The following TRAK1 variants were observed in gnomAD, a reference collection of about 807,000 sequenced individuals.
The protein encoded by TRAK1 is trafficking kinesin protein 1, also known as trafficking kinesin-binding protein 1.
In TRAK1, 33 loss-of-function variants were observed where a neutral mutation model predicts 92.1. That is an observed-to-expected ratio of 0.36 (90% CI 0.27 to 0.48). The LOEUF is 0.48. Ranked by LOEUF, TRAK1 falls within the 20% of genes least tolerant of loss-of-function variation. The pLI, the probability that TRAK1 is intolerant of heterozygous loss-of-function variation, is 0.99. For missense variants in TRAK1, 1,123 were observed against 1,257.9 expected, an observed-to-expected ratio of 0.89 and a Z score of 1.62; for synonymous variants, 521 against 517.3, an observed-to-expected ratio of 1.01 and a Z score of -0.10.
chr3:42,223,998 C>A lies in TRAK1; in HGVS notation c.*261C>A. On this transcript the variant is annotated 3_prime_UTR_variant, in exon 16 of 16. Transcript: ENST00000327628. The surrounding 1 kb of genome is among the most constrained non-coding windows in gnomAD (Gnocchi z 6.1). Reference sequence around the variant, plus strand: ...AGTGCCCCTGCACTGTCATCACTCTCACGAGGACGTCACCTGTGCTAACCT... The same window carrying A: ...AGTGCCCCTGCACTGTCATCACTCTAACGAGGACGTCACCTGTGCTAACCT... 1.6e-6 allele frequency: 1 copy of A among 629,200 alleles called. No homozygotes were observed. Among genetic ancestry groups the A allele is most frequent in the Non-Finnish European group, 2.9e-6 (1 of 341,374 alleles). The allele number at this position is 629,200 out of a possible 1,614,324, so 39.0% of individuals were successfully genotyped here.
chr3:42,179,452 G>T (rs1354253146), intron 3 of TRAK1, among the ~76,000 whole-genome samples: 1 of 152,232 alleles, frequency 6.6e-6, no homozygotes, highest in Non-Finnish European at 1.5e-5. Flanking sequence ...AAGGGGAAGA[G>T]GATGCTGTGG....
chr3:42,017,889 G>T (rs1347528897), intron 1 of TRAK1, among the ~76,000 whole-genome samples: 1 of 152,044 alleles, frequency 6.6e-6, no homozygotes, highest in Admixed American at 6.6e-5. Flanking sequence ...GCAGAGCAGG[G>T]CTAACTCATA....
intron 1 of TRAK1, among the ~76,000 whole-genome samples, chr3:42,034,862 T>C (rs1281701741): frequency 1.3e-5 from 2 of 151,926 alleles, no homozygotes; most frequent in Non-Finnish European, 2.9e-5. Context: ...CTATCCCACC[T>C]CCTTAGGAGC....
Position 42,040,851 on chromosome 3 carries a change from G to C in TRAK1, c.-519+26734G>C, listed in dbSNP as rs149990525. On this transcript the variant is annotated intron_variant, in intron 1 of 16. Transcript: ENST00000487159. ...GCACCACCATGCCTGGCTAATTTTTGTATTTTTAGTAGAGACGGGGTTTCA... is the reference window on the plus strand; with the variant it reads ...GCACCACCATGCCTGGCTAATTTTTCTATTTTTAGTAGAGACGGGGTTTCA... Among the ~76,000 whole-genome samples, 1,040 of 152,074 alleles carry C rather than the reference G, an allele frequency of 6.8e-3. 53 individuals are homozygous for C. In the East Asian group the frequency reaches 0.14, roughly 20 times the overall value.
chr3:42,185,863 G>A (rs1390335099), intron 4 of TRAK1, among the ~76,000 whole-genome samples: 4 of 151,488 alleles, frequency 2.6e-5, no homozygotes, highest in South Asian at 2.1e-4. Context: ...TGGTAGAGAC[G>A]GGGTTTCACC....
chr3:42,098,937 C>A (rs762772841), intron 1 of TRAK1, among the ~76,000 whole-genome samples: 112 of 151,812 alleles, frequency 7.4e-4, no homozygotes, highest in Non-Finnish European at 1.5e-3. Context: ...CTGGGGGATT[C>A]CAGCTGGACA....
chr3:42,119,362 T>G (rs1709559834), intron 1 of TRAK1, among the ~76,000 whole-genome samples: 1 of 151,782 alleles, frequency 6.6e-6, no homozygotes, highest in Non-Finnish European at 1.5e-5. Context: ...AAACTCAGAT[T>G]TGTGAAAAAA....
At chr3:42,110,075 A>G (rs1421529720) in intron 1 of TRAK1, among the ~76,000 whole-genome samples, 2 of 128,934 alleles carry the variant, frequency 1.6e-5, no homozygotes, top group African/African-American at 3.0e-5. Context: ...CGTTGTGCAC[A>G]TGTACCCTAG....
chr3:42,085,170 A>AT (rs11446214), upstream of TRAK1, among the ~76,000 whole-genome samples: 3,114 of 150,758 alleles, frequency 0.021, 119 homozygotes, highest in African/African-American at 0.072. Flanking sequence ...AAAAAAAATC[A>AT]TTTTTTTTTC....
chr3:42,176,758 T>C, intron 2 of TRAK1, 56 bp from the exon 3 acceptor site: 1 of 1,535,166 alleles, frequency 6.5e-7, no homozygotes, highest in Non-Finnish European at 9.0e-7. Context: ...AGATGAGTCA[T>C]TTGTTTGGCA....
intron 1 of TRAK1, among the ~76,000 whole-genome samples, chr3:42,063,886 C>T (rs970035963): frequency 3.3e-5 from 5 of 152,092 alleles, no homozygotes; most frequent in Non-Finnish European, 7.4e-5. Context: ...CAATAGTTTG[C>T]GGTAGAAGTG....
chr3:42,066,325 C>CA (rs1027546557), intron 1 of TRAK1, among the ~76,000 whole-genome samples: 35 of 151,476 alleles, frequency 2.3e-4, no homozygotes, highest in African/African-American at 7.0e-4. Context: ...GACTCTGTCT[C>CA]AAAAAAAAGA....
Position 42,140,989 on chromosome 3 carries a change from C to T in TRAK1, c.286+15375C>T, listed in dbSNP as rs141976636. 5.4e-3 allele frequency among the ~76,000 whole-genome samples: 815 copies of T among 152,198 alleles called. 8 individuals are homozygous for T. Among genetic ancestry groups the T allele is most frequent in the African/African-American group, 0.018 (752 of 41,536 alleles). ...AGTTGTTTTGTTCAGATGGCCACAT[C>T]GGGGCCTGGGCATGCCTGTGCTGAT... On this transcript the variant is annotated intron_variant, in intron 2 of 15. Coordinates refer to ENST00000327628, the MANE Select transcript of TRAK1 (RefSeq NM_001042646.3).
intron 2 of TRAK1, among the ~76,000 whole-genome samples, chr3:42,141,074 G>A (rs560697622): frequency 7.2e-5 from 11 of 152,188 alleles, no homozygotes; most frequent in African/African-American, 1.7e-4. Context: ...TGAGACACTC[G>A]GGCAAACTCA....
At chr3:42,021,484 T>TCCCC (rs1319037126) in intron 1 of TRAK1, among the ~76,000 whole-genome samples, 1 of 152,176 alleles carries the variant, frequency 6.6e-6, no homozygotes, top group East Asian at 1.9e-4. Context: ...TGTTCTTTTT[T>TCCCC]CCCCTGTAAG....
intron 1 of TRAK1, among the ~76,000 whole-genome samples, chr3:42,020,509 C>T (rs1701684013): frequency 6.6e-6 from 1 of 152,102 alleles, no homozygotes; most frequent in African/African-American, 2.4e-5. Context: ...GGATGGTATT[C>T]CATTTTATGG....
chr3:42,050,388 T>C (rs2148912957), intron 1 of TRAK1, among the ~76,000 whole-genome samples: 1 of 152,260 alleles, frequency 6.6e-6, no homozygotes, highest in East Asian at 1.9e-4. Context: ...GAGGTATCAG[T>C]GCTCATTTAT....
chr3:42,218,112 G>A (rs1379779868), intron 14 of TRAK1: 1 of 985,220 alleles, frequency 1.0e-6, no homozygotes, highest in Non-Finnish European at 1.2e-6. Flanking sequence ...ATCTTGCCTT[G>A]TTCCTCTAGT....
At chr3:42,067,502 A>G (rs955134751) in intron 1 of TRAK1, among the ~76,000 whole-genome samples, 2 of 152,180 alleles carry the variant, frequency 1.3e-5, no homozygotes, top group Non-Finnish European at 2.9e-5. Flanking sequence ...TTCAGTGCAC[A>G]TTGAGAAGCT....
Sources: gnomAD v4.1 joint callset for allele counts (sites outside exome capture counted in the v4.1 genomes callset) on GRCh38, gnomAD v4.1.1 for gene constraint, Gnocchi (gnomAD v3.1) non-coding constraint, MANE v1.5 for transcripts, NCBI Gene and HGNC (gene_info 2026-07-23, HGNC 2026-07-21) for gene names.